The following ADGRB3 variants were observed in gnomAD, a reference collection of about 807,000 sequenced individuals.
The protein encoded by ADGRB3 is adhesion G protein-coupled receptor B3.
A neutral mutation model predicts 193.4 loss-of-function variants in ADGRB3; 37 were observed. That is an observed-to-expected ratio of 0.19 (90% CI 0.15 to 0.25). The LOEUF is 0.25. Among genes scored for constraint, ADGRB3 ranks in the 10% least tolerant of loss-of-function variants. ADGRB3 has a pLI of 1.00. For missense variants in ADGRB3, 1,637 were observed against 1,852.9 expected (o/e 0.88, Z 2.14); for synonymous variants, 690 against 644.2 (o/e 1.07, Z -1.08).
chr6:69,108,438 A>G (rs554186236), intron 17 of ADGRB3, among the ~76,000 whole-genome samples: 1 of 151,002 alleles, frequency 6.6e-6, no homozygotes, highest in African/African-American at 2.4e-5. Context: ...CAGAATGCCT[A>G]TACAGTGGAC....
In ADGRB3 at chr6:69,017,906, T is replaced by C. The variant is rs191621256; in HGVS notation, c.1999-485T>C. 1.1e-4 allele frequency among the ~76,000 whole-genome samples: 16 copies of C among 152,066 alleles called. No individual in the cohort carries two copies. In the East Asian group the frequency reaches 2.7e-3, roughly 26 times the overall value. On this transcript the variant is annotated intron_variant, in intron 12 of 31. Coordinates refer to ENST00000370598, the MANE Select transcript of ADGRB3 (RefSeq NM_001704.3). The stretch of plus-strand genomic sequence containing the variant: ...ATTACCATTATTCTTACAGTGGGCA[T>C]TATAATTATTAAACAATAAATGTTT...
chr6:69,296,195 T>G (rs953577784), intron 20 of ADGRB3, among the ~76,000 whole-genome samples: 1 of 152,158 alleles, frequency 6.6e-6, no homozygotes, highest in African/African-American at 2.4e-5. Flanking sequence ...CAAAGTGAGA[T>G]AGGCTTATTA....
intron 3 of ADGRB3, among the ~76,000 whole-genome samples, chr6:68,822,668 C>G (rs1311944973): frequency 6.6e-6 from 1 of 151,926 alleles, no homozygotes; most frequent in Admixed American, 6.6e-5. Flanking sequence ...GCTCAACATT[C>G]AGATTTTTAA....
intron 3 of ADGRB3, among the ~76,000 whole-genome samples, chr6:68,655,277 C>G (rs1768464913): frequency 6.6e-6 from 1 of 151,576 alleles, no homozygotes; most frequent in Non-Finnish European, 1.5e-5. Context: ...ACACACTTCT[C>G]TAAACATCAG....
intron 17 of ADGRB3, among the ~76,000 whole-genome samples, chr6:69,216,049 A>G (rs1000650675): frequency 1.3e-5 from 2 of 152,144 alleles, no homozygotes; most frequent in Non-Finnish European, 2.9e-5. Context: ...CCTACACAGC[A>G]TATTTTTTGG....
chr6:69,077,923 T>A (rs1013164920), intron 17 of ADGRB3, among the ~76,000 whole-genome samples: 1 of 152,016 alleles, frequency 6.6e-6, no homozygotes, highest in Non-Finnish European at 1.5e-5. Flanking sequence ...CGCTAGATTG[T>A]TTCATTATTA....
At chr6:69,224,716 T>C (rs1765972771) in intron 17 of ADGRB3, among the ~76,000 whole-genome samples, 1 of 152,206 alleles carries the variant, frequency 6.6e-6, no homozygotes, top group South Asian at 2.1e-4. Flanking sequence ...GCAGTACTCT[T>C]CTTCAGTTTT....
intron 20 of ADGRB3, among the ~76,000 whole-genome samples, chr6:69,270,531 A>T: frequency 6.6e-6 from 1 of 152,342 alleles, no homozygotes; most frequent in East Asian, 1.9e-4. Flanking sequence ...GAAAGAATCT[A>T]TAAAAATAAT....
At chr6:68,923,446 C>T (rs9446074) in intron 3 of ADGRB3, among the ~76,000 whole-genome samples, 2,687 of 152,016 alleles carry the variant, frequency 0.018, 83 homozygotes, top group African/African-American at 0.059. Flanking sequence ...TTTCATACTC[C>T]ACTTATATTT....
intron 17 of ADGRB3, among the ~76,000 whole-genome samples, chr6:69,169,749 A>G (rs1428466403): frequency 2.6e-5 from 4 of 152,104 alleles, no homozygotes; most frequent in Non-Finnish European, 5.9e-5. Flanking sequence ...TTGGTTCCCA[A>G]TTTAAGTGCT....
intron 3 of ADGRB3, among the ~76,000 whole-genome samples, chr6:68,880,028 G>A (rs1433730690): frequency 4.6e-5 from 7 of 152,142 alleles, no homozygotes; most frequent in African/African-American, 1.7e-4. Context: ...TAATAAAATA[G>A]AATTTTGTGT....
intron 3 of ADGRB3, among the ~76,000 whole-genome samples, chr6:68,746,032 A>T (rs1043578162): frequency 5.9e-5 from 9 of 152,078 alleles, no homozygotes; most frequent in Admixed American, 2.6e-4. Context: ...TTTCTCATGG[A>T]TGTATTTCTA....
chr6:69,095,963 G>A (rs1293088564), intron 17 of ADGRB3, among the ~76,000 whole-genome samples: 1 of 152,084 alleles, frequency 6.6e-6, no homozygotes, highest in Non-Finnish European at 1.5e-5. Flanking sequence ...TAAATAATGA[G>A]CAATAATCTA....
chr6:69,380,321 A>C (rs1433359629), intron 30 of ADGRB3, among the ~76,000 whole-genome samples: 1 of 151,964 alleles, frequency 6.6e-6, no homozygotes, highest in Non-Finnish European at 1.5e-5. Flanking sequence ...CATTTCCAGC[A>C]ACATGGGAAG....
intron 3 of ADGRB3, among the ~76,000 whole-genome samples, chr6:68,772,854 AAAACAAAC>A (rs1190873461): frequency 4.5e-5 from 3 of 66,498 alleles, no homozygotes; most frequent in East Asian, 5.9e-4. Flanking sequence ...CCTATTTCTA[AAAACAAAC>A]AAACAAACAA....
At chr6:68,694,090 T>A (rs1004288819) in intron 3 of ADGRB3, among the ~76,000 whole-genome samples, 1 of 152,052 alleles carries the variant, frequency 6.6e-6, no homozygotes, top group Non-Finnish European at 1.5e-5. Flanking sequence ...GACTGGATGT[T>A]CTATACTAAT....
intron 3 of ADGRB3, among the ~76,000 whole-genome samples, chr6:68,748,577 C>T (rs1374159182): frequency 1.3e-5 from 2 of 152,186 alleles, no homozygotes; most frequent in African/African-American, 4.8e-5. Context: ...GACCCTGTGG[C>T]TTTGCGTGGT....
chr6:68,851,989 CA>C (rs937117310), intron 3 of ADGRB3, among the ~76,000 whole-genome samples: 30 of 151,668 alleles, frequency 2.0e-4, no homozygotes, highest in South Asian at 1.0e-3. Context: ...GAGAAAGACA[CA>C]AAAAAAGTTT....
intron 17 of ADGRB3, chr6:69,233,049 A>G (rs1582564539): frequency 1.9e-6 from 1 of 533,510 alleles, no homozygotes; most frequent in Non-Finnish European, 3.2e-6. Context: ...CGGTTTCAGC[A>G]CCTCCGGCGC....
Sources: allele counts gnomAD v4.1 joint callset (sites outside exome capture counted in the v4.1 genomes callset), GRCh38; gene constraint gnomAD v4.1.1; transcripts MANE v1.5; gene names NCBI Gene and HGNC (gene_info 2026-07-23, HGNC 2026-07-21).